The following MPHOSPH8 variants were observed in gnomAD, a reference collection of about 807,000 sequenced individuals.
MPHOSPH8 encodes M-phase phosphoprotein 8.
Under a neutral mutation model 87.3 loss-of-function variants are expected in MPHOSPH8, and 45 were observed. The ratio of observed to expected loss-of-function variants is 0.52; its 90% CI spans 0.41 to 0.66. The LOEUF is 0.66. Among genes scored for constraint, MPHOSPH8 ranks in the 30% least tolerant of loss-of-function variants. The pLI, the probability that MPHOSPH8 is intolerant of heterozygous loss-of-function variation, is 0.00. For synonymous variants in MPHOSPH8, 366 were observed against 376.9 expected, an observed-to-expected ratio of 0.97 and a Z score of 0.33; for missense variants, 883 against 1,020.2, an observed-to-expected ratio of 0.87 and a Z score of 1.83.
At chr13:19,643,927 A>G (rs1874435284) in intron 2 of MPHOSPH8, among the ~76,000 whole-genome samples, 1 of 152,194 alleles carries the variant, frequency 6.6e-6, no homozygotes, top group Non-Finnish European at 1.5e-5. Flanking sequence ...CTCTGGTCAC[A>G]ACAGTATTGC....
rs761968158 is a variant in MPHOSPH8 at position 19,671,190 on chromosome 13, T to C, written c.2458-16T>C. ...AGTTTGAAAACACTGACTTTTTTTTTCTCTTTCCATTGTAGGACAGTCATT... is the reference window on the plus strand; with the variant it reads ...AGTTTGAAAACACTGACTTTTTTTTCCTCTTTCCATTGTAGGACAGTCATT... On this transcript the variant is annotated splice_polypyrimidine_tract_variant and intron_variant, in intron 12 of 13. Transcript: ENST00000361479. 15 of 1,610,886 alleles carry C rather than the reference T, an allele frequency of 9.3e-6. No homozygotes were observed. Among genetic ancestry groups the C allele is most frequent in the Non-Finnish European group, 1.2e-5 (14 of 1,179,414 alleles).
In MPHOSPH8 at chr13:19,642,019, T is replaced by C; in HGVS notation, c.214-96T>C. ...TTTCCACTTAGAAGCAATTTTCAAG[T>C]TCTTTCATGTCTTCTCATCAGTTTT... On this transcript the variant is annotated intron_variant, in intron 1 of 13. Coordinates refer to ENST00000361479, the MANE Select transcript of MPHOSPH8 (RefSeq NM_017520.4). 4 of 1,083,400 alleles carry C rather than the reference T, an allele frequency of 3.7e-6. No homozygotes were observed. The South Asian group carries it at 6.5e-5, about 18-fold the overall frequency. 67.1% of individuals were successfully genotyped at this position (1,083,400 alleles called of 1,614,324 possible).
rs768216631 is a variant in MPHOSPH8 at position 19,668,583 on chromosome 13, T to G, written c.2329+52T>G. ...TTCTATGTGAAGTGTGACACTATATTAACAGATTTTTAGACAGAATCCTTT... is the reference window on the plus strand; with the variant it reads ...TTCTATGTGAAGTGTGACACTATATGAACAGATTTTTAGACAGAATCCTTT... On this transcript the variant is annotated intron_variant, in intron 11 of 13. Transcript: ENST00000361479. 2.0e-6 allele frequency: 3 copies of G among 1,522,580 alleles called. No homozygotes were observed. The South Asian group carries it at 3.7e-5, about 19-fold the overall frequency. The allele number at this position is 1,522,580 out of a possible 1,614,324, so 94.3% of individuals were successfully genotyped here. A position where few individuals can be genotyped will look rare whatever the true frequency, so the allele number is the denominator to read the frequency against.
At position 19,633,726 on chromosome 13, in the gene MPHOSPH8, C is replaced by T. The variant is rs112975754; in HGVS notation, c.-23C>T. The T allele has an allele frequency of 2.6e-6, 4 of 1,567,688 alleles. No homozygotes were observed. The highest frequency in any genetic ancestry group is 1.9e-5 in the Admixed American group (1 of 52,886). ...GGTGTTTGTCGCAGCGGGTTTTCCT[C>T]GGCGGTTTGCGGAGCTGCTAGGATG... is the stretch of plus-strand genomic sequence containing the variant. On this transcript the variant is annotated 5_prime_UTR_variant, in exon 1 of 14. Transcript: ENST00000361479.
At chr13:19,662,169 G>A (rs1003364943) in intron 8 of MPHOSPH8, among the ~76,000 whole-genome samples, 1 of 152,140 alleles carries the variant, frequency 6.6e-6, no homozygotes, top group Non-Finnish European at 1.5e-5. Flanking sequence ...TCGATCTCCT[G>A]ACCTCGTGAT....
intron 12 of MPHOSPH8, 25 bp from the exon 13 acceptor site, chr13:19,671,181 C>CT (rs746456659): frequency 5.1e-5 from 82 of 1,601,358 alleles, no homozygotes; most frequent in Admixed American, 1.4e-4. Flanking sequence ...AAAACACTGA[C>CT]TTTTTTTTTC....
chr13:19,659,519 C>T (rs776583794), intron 7 of MPHOSPH8: 4 of 458,284 alleles, frequency 8.7e-6, no homozygotes, highest in African/African-American at 4.0e-5. Context: ...CAAAAATTAG[C>T]TGGACATGGT....
rs375225180 is a variant in MPHOSPH8 at position 19,662,274 on chromosome 13, T to G, written c.1932+436T>G. Among the ~76,000 whole-genome samples the G allele has an allele frequency of 3.9e-5, 6 of 151,962 alleles. No homozygotes were observed. In the East Asian group the frequency reaches 9.7e-4, roughly 25 times the overall value. ...CCCATAGCTTTTTAAAAATTTATTT[T>G]TAGAAATAAGGTCTCACTCTGTCAC... On this transcript the variant is annotated intron_variant, in intron 8 of 13. Coordinates refer to ENST00000361479, the MANE Select transcript of MPHOSPH8 (RefSeq NM_017520.4).
intron 5 of MPHOSPH8, among the ~76,000 whole-genome samples, chr13:19,653,650 T>A (rs560359356): frequency 6.6e-6 from 1 of 152,278 alleles, no homozygotes; most frequent in South Asian, 2.1e-4. Flanking sequence ...GCAAGGAAGC[T>A]AAGAACCTTG....
At chr13:19,644,002 A>G (rs1162596168) in intron 2 of MPHOSPH8, among the ~76,000 whole-genome samples, 1 of 152,248 alleles carries the variant, frequency 6.6e-6, no homozygotes, top group Non-Finnish European at 1.5e-5. Context: ...TGCCCTTTCT[A>G]CTGTGAATGA....
At position 19,647,255 on chromosome 13, in the gene MPHOSPH8, A is replaced by G. The variant is rs202033946; in HGVS notation, c.1182A>G (p.Glu394=). 4.3e-6 allele frequency: 7 copies of G among 1,610,776 alleles called. No individual in the cohort carries two copies. In the East Asian group the frequency reaches 1.6e-4, roughly 36 times the overall value. ...QTPKGRRLSG[E]ERGLWSTDSA... Reference sequence around the variant, plus strand: ...CAAAGGGCCGGAGGTTGAGCGGGGAAGAGAGAGGCCTCTGGTCCACGGACT... The same window carrying G: ...CAAAGGGCCGGAGGTTGAGCGGGGAGGAGAGAGGCCTCTGGTCCACGGACT... Residue 394 remains glutamate (E), a synonymous_variant, in exon 3 of 14, where the codon GAA becomes GAG. Coordinates refer to ENST00000361479, the MANE Select transcript of MPHOSPH8 (RefSeq NM_017520.4).
chr13:19,638,608 C>CA (rs35969936), intron 1 of MPHOSPH8, among the ~76,000 whole-genome samples: 7,843 of 135,476 alleles, frequency 0.058, 683 homozygotes, highest in African/African-American at 0.19. Flanking sequence ...GACTCTGTCT[C>CA]AAAAAAAAAA....
chr13:19,652,779 G>A (rs1211990596), intron 5 of MPHOSPH8, among the ~76,000 whole-genome samples: 1 of 152,126 alleles, frequency 6.6e-6, no homozygotes, highest in African/African-American at 2.4e-5. Flanking sequence ...GGCTCGAGTA[G>A]GTCGTTTTAC....
At chr13:19,658,965 G>A (rs775764295) in intron 5 of MPHOSPH8, 30 bp from the exon 6 acceptor site, 2 of 1,596,608 alleles carry the variant, frequency 1.3e-6, no homozygotes. Context: ...TCAGACAAAT[G>A]TATGTTAACA....
rs762698271 is a variant in MPHOSPH8 at position 19,663,061 on chromosome 13, A to G, written c.1954A>G (p.Ile652Val). Residue 652 changes from isoleucine (I) to valine (V), a missense_variant, in exon 9 of 14, where the codon ATT (isoleucine) becomes GTT (valine). By Grantham distance (29) the Ile-to-Val change is conservative (BLOSUM62 3). Transcript: ENST00000361479. ...AEKNFLTTVA[I>V]LLEAGAFVNV... The stretch of plus-strand genomic sequence containing the variant: ...ATAGAACTTTTTAACAACAGTGGCT[A>G]TTCTTTTGGAAGCAGGAGCTTTTGT... 2.1e-5 allele frequency: 34 copies of G among 1,613,642 alleles called. No homozygotes were observed. The South Asian group carries it at 3.6e-4, about 17-fold the overall frequency.
Position 19,672,359 on chromosome 13 carries a change from G to C in MPHOSPH8, c.*484G>C, listed in dbSNP as rs1876179843. The stretch of plus-strand genomic sequence containing the variant: ...GGGTTTATCCATGTTGGTCAGGCTG[G>C]TCTTGAACTCCTGACCTCAGGTGAT... On this transcript the variant is annotated 3_prime_UTR_variant, in exon 14 of 14. Coordinates refer to ENST00000361479, the MANE Select transcript of MPHOSPH8 (RefSeq NM_017520.4). 1 of 155,602 alleles carries C rather than the reference G, an allele frequency of 6.4e-6. No individual in the cohort carries two copies. The highest frequency in any genetic ancestry group is 6.3e-5 in the Admixed American group (1 of 15,876). 9.6% of individuals were successfully genotyped at this position (155,602 alleles called of 1,614,324 possible).
At chr13:19,636,300 G>C (rs1468426740) in intron 1 of MPHOSPH8, among the ~76,000 whole-genome samples, 1 of 152,106 alleles carries the variant, frequency 6.6e-6, no homozygotes, top group Non-Finnish European at 1.5e-5. Flanking sequence ...TCTATAATCA[G>C]AAACACTTAC....
chr13:19,649,168 CTGTAAGACTGT>C (rs1473517801), intron 4 of MPHOSPH8, among the ~76,000 whole-genome samples: 140 of 152,272 alleles, frequency 9.2e-4, no homozygotes, highest in Admixed American at 1.3e-3. Flanking sequence ...CATAAAGTGG[CTGTAAGACTGT>C]TGTTCAAAGC....
At position 19,634,614 on chromosome 13, in the gene MPHOSPH8, G is replaced by A. The variant is rs193292614; in HGVS notation, c.213+653G>A. 2.0e-5 allele frequency among the ~76,000 whole-genome samples: 3 copies of A among 152,228 alleles called. No homozygotes were observed. In the East Asian group the frequency reaches 5.8e-4, roughly 29 times the overall value. ...CTTACTCAAATGCTTCCAAGGCCTC[G>A]GGGTGTAGCTCTCTGGGAAAGCTTT... On this transcript the variant is annotated intron_variant, in intron 1 of 13. Coordinates refer to ENST00000361479, the MANE Select transcript of MPHOSPH8 (RefSeq NM_017520.4).
Sources: allele counts gnomAD v4.1 joint callset (sites outside exome capture counted in the v4.1 genomes callset), GRCh38; gene constraint gnomAD v4.1.1; transcripts MANE v1.5; gene names NCBI Gene and HGNC (gene_info 2026-07-23, HGNC 2026-07-21).